Variants in FARS2 observed in about 807,000 individuals in gnomAD.
FARS2 encodes the protein phenylalanine--tRNA ligase, mitochondrial.
Under a neutral mutation model 46.4 loss-of-function variants are expected in FARS2, and 40 were observed. The observed-to-expected ratio is 0.86, with a 90% CI of 0.67 to 1.12. The LOEUF (loss-of-function observed/expected upper bound fraction) is 1.12. Ranked by LOEUF, FARS2 falls within the 50% of genes most tolerant of loss-of-function variation. The probability of loss-of-function intolerance (pLI) is 0.00; values close to 1 mark genes in which losing one functional copy is unlikely to be tolerated. For synonymous variants in FARS2, 234 were observed against 214.9 expected (o/e 1.09, Z -0.78); for missense variants, 513 against 567.9 (o/e 0.90, Z 0.98).
At chr6:5,660,650 GAAAAA>G (rs58377881) in intron 6 of FARS2, among the ~76,000 whole-genome samples, 1 of 104,128 alleles carries the variant, frequency 9.6e-6, no homozygotes, top group African/African-American at 3.9e-5. Context: ...CCCTGTCTCA[GAAAAA>G]AAAAAAAAAA....
rs1775083294 is a variant in FARS2, at chr6:5,610,059, C to G, written c.1066-3110C>G. Reference sequence around the variant, plus strand: ...CCTGGAGCAATTGGTGTTTGGGTCTCTCATTACCACACAGTCCAGGAGCAT... The same window carrying G: ...CCTGGAGCAATTGGTGTTTGGGTCTGTCATTACCACACAGTCCAGGAGCAT... On this transcript the variant is annotated intron_variant, in intron 5 of 6. Coordinates refer to ENST00000274680, the MANE Select transcript of FARS2 (RefSeq NM_006567.5). The G allele has an allele frequency of 1.1e-5, 10 of 909,608 alleles. No individual in the cohort carries two copies. The South Asian group carries it at 1.3e-4, about 12-fold the overall frequency. The allele number at this position is 909,608 out of a possible 1,614,324, so 56.3% of individuals were successfully genotyped here. A position where few individuals can be genotyped will look rare whatever the true frequency, so the allele number is the denominator to read the frequency against.
In FARS2 at chr6:5,408,686, T is replaced by C. The variant is rs141208166; in HGVS notation, c.772+3985T>C. ...AAGTAAAAAATATCAGATAAATATG[T>C]AAATATGAACAAACGGAAGAAGGAA... On this transcript the variant is annotated intron_variant, in intron 3 of 6. Transcript: ENST00000274680. Among the ~76,000 whole-genome samples, 359 of 152,116 alleles carry C rather than the reference T, an allele frequency of 2.4e-3. 2 individuals carry two copies. Among genetic ancestry groups the C allele is most frequent in the African/African-American group, 7.6e-3 (317 of 41,482 alleles).
chr6:5,610,670 A>G (rs978949995), intron 5 of FARS2, among the ~76,000 whole-genome samples: 3 of 152,208 alleles, frequency 2.0e-5, no homozygotes, highest in Non-Finnish European at 1.5e-5. Context: ...GTTATCTGAT[A>G]AAACTAGTAA....
intron 6 of FARS2, chr6:5,665,602 AG>A (rs1778074369): frequency 6.6e-6 from 1 of 152,186 alleles, no homozygotes; most frequent in South Asian, 2.1e-4. Context: ...AGGTTGTCTG[AG>A]CCAGAACCAC....
At chr6:5,591,572 C>T (rs1313570821) in intron 5 of FARS2, among the ~76,000 whole-genome samples, 2 of 152,218 alleles carry the variant, frequency 1.3e-5, no homozygotes, top group African/African-American at 2.4e-5. Flanking sequence ...GTTTCACATT[C>T]GACATAAAAC....
chr6:5,529,430 C>G (rs1322187147), intron 4 of FARS2, among the ~76,000 whole-genome samples: 2 of 152,166 alleles, frequency 1.3e-5, no homozygotes, highest in Non-Finnish European at 2.9e-5. Context: ...ACCTCAGCCT[C>G]CCGAGTAGCT....
chr6:5,264,566 C>T (rs909873622), intron 1 of FARS2, among the ~76,000 whole-genome samples: 5 of 150,684 alleles, frequency 3.3e-5, no homozygotes, highest in Non-Finnish European at 5.9e-5. Context: ...CAATCTCGTC[C>T]GGCTAATTTT....
intron 6 of FARS2, among the ~76,000 whole-genome samples, chr6:5,651,510 C>T (rs531592705): frequency 1.3e-5 from 2 of 152,234 alleles, no homozygotes; most frequent in African/African-American, 2.4e-5. Flanking sequence ...ACAAGATCCA[C>T]GAAGTAAGAG....
intron 4 of FARS2, among the ~76,000 whole-genome samples, chr6:5,445,222 A>G (rs1011526176): frequency 1.3e-5 from 2 of 151,966 alleles, no homozygotes; most frequent in Non-Finnish European, 2.9e-5. Context: ...GGATGCTCAT[A>G]TAATTGGATT....
At chr6:5,746,700 C>T (rs1761665439) in intron 6 of FARS2, among the ~76,000 whole-genome samples, 1 of 152,052 alleles carries the variant, frequency 6.6e-6, no homozygotes, top group African/African-American at 2.4e-5. Context: ...AGAGTCAGGT[C>T]TTATTCATCT....
At chr6:5,583,706 A>G (rs1017430961) in intron 5 of FARS2, among the ~76,000 whole-genome samples, 4 of 152,230 alleles carry the variant, frequency 2.6e-5, no homozygotes, top group Admixed American at 2.0e-4. Flanking sequence ...ACTGAGACCT[A>G]GAAAGGTTAG....
chr6:5,268,898 C>A (rs1765742268), intron 1 of FARS2, among the ~76,000 whole-genome samples: 2 of 152,108 alleles, frequency 1.3e-5, no homozygotes, highest in Non-Finnish European at 1.5e-5. Flanking sequence ...GTTTGTAGTT[C>A]TCCTTGAAGA....
intron 1 of FARS2, among the ~76,000 whole-genome samples, chr6:5,308,818 A>G (rs1768900436): frequency 6.6e-6 from 1 of 152,202 alleles, no homozygotes; most frequent in Non-Finnish European, 1.5e-5. Context: ...AACAATGGAA[A>G]TTTATTTCTC....
At chr6:5,409,175 G>A (rs1008341418) in intron 3 of FARS2, among the ~76,000 whole-genome samples, 1 of 152,150 alleles carries the variant, frequency 6.6e-6, no homozygotes, top group African/African-American at 2.4e-5. Flanking sequence ...TTTGGGCCAG[G>A]CGCGGTGGCT....
chr6:5,647,943 C>T (rs1452691546), intron 6 of FARS2, among the ~76,000 whole-genome samples: 1 of 152,184 alleles, frequency 6.6e-6, no homozygotes, highest in East Asian at 1.9e-4. Context: ...CCATTATTTT[C>T]ATTTCTCTGT....
At chr6:5,729,774 T>G (rs558180248) in intron 6 of FARS2, among the ~76,000 whole-genome samples, 1 of 152,340 alleles carries the variant, frequency 6.6e-6, no homozygotes, top group Non-Finnish European at 1.5e-5. Flanking sequence ...AAGGCACATA[T>G]TTTCAAGTAT....
intron 5 of FARS2, among the ~76,000 whole-genome samples, chr6:5,604,716 C>T (rs570130204): frequency 1.3e-5 from 2 of 152,214 alleles, no homozygotes; most frequent in Admixed American, 6.5e-5. Flanking sequence ...TTAACAATAT[C>T]GAGGTATACA....
intron 6 of FARS2, among the ~76,000 whole-genome samples, chr6:5,696,785 A>T (rs1758132535): frequency 6.6e-6 from 1 of 152,204 alleles, no homozygotes; most frequent in Non-Finnish European, 1.5e-5. Flanking sequence ...TTTTTATAAT[A>T]AAATGCTCAT....
At chr6:5,467,518 C>T (rs1392080528) in intron 4 of FARS2, among the ~76,000 whole-genome samples, 1 of 152,170 alleles carries the variant, frequency 6.6e-6, no homozygotes, top group Non-Finnish European at 1.5e-5. Flanking sequence ...GATCTCCTTT[C>T]TTAGTCAACG....
Sources: gnomAD v4.1 joint callset for allele counts (sites outside exome capture counted in the v4.1 genomes callset) on GRCh38, gnomAD v4.1.1 for gene constraint, MANE v1.5 for transcripts, NCBI Gene and HGNC (gene_info 2026-07-23, HGNC 2026-07-21) for gene names.